Variants in CNTNAP5 observed in about 807,000 individuals in gnomAD.
The protein encoded by CNTNAP5 is contactin associated protein family member 5, also known as contactin-associated protein-like 5.
CNTNAP5 carries 72 observed loss-of-function variants against 150.2 expected under a neutral mutation model. The ratio of observed to expected loss-of-function variants is 0.48; its 90% CI spans 0.40 to 0.58. CNTNAP5 has a LOEUF of 0.58. CNTNAP5 is among the 20% of genes least tolerant of loss of function. CNTNAP5 has a pLI of 0.00. For synonymous variants in CNTNAP5, 672 were observed against 619.8 expected (o/e 1.08, Z -1.25); for missense variants, 1,636 against 1,626.2 (o/e 1.01, Z -0.10).
rs559651712 is a variant in CNTNAP5, at chr2:124,049,132, G to C, written c.82+23400G>C. Among the ~76,000 whole-genome samples, 496 of 152,220 alleles carry C rather than the reference G, an allele frequency of 3.3e-3. 3 individuals carry two copies. The highest frequency in any genetic ancestry group is 6.8e-3 in the Middle Eastern group (2 of 294). On this transcript the variant is annotated intron_variant, in intron 1 of 23. Coordinates refer to ENST00000682447, the MANE Select transcript of CNTNAP5 (RefSeq NM_001367498.1). The stretch of plus-strand genomic sequence containing the variant: ...AGAAACGCTGATTTCAGGGCTTTTT[G>C]CTTTATCACTGTTAACGTCCCTATG...
At chr2:124,123,071 C>CT (rs1429625523) in intron 1 of CNTNAP5, among the ~76,000 whole-genome samples, 2 of 151,970 alleles carry the variant, frequency 1.3e-5, no homozygotes, top group South Asian at 4.2e-4. Flanking sequence ...GCTTGTCGGA[C>CT]ACTGGGTGCA....
chr2:124,532,693 C>T (rs1695138175), intron 10 of CNTNAP5, among the ~76,000 whole-genome samples: 1 of 152,178 alleles, frequency 6.6e-6, no homozygotes, highest in South Asian at 2.1e-4. Context: ...CCACCCCGCC[C>T]ACAGTCTGAG....
At chr2:124,199,438 G>A (rs1180251093) in intron 1 of CNTNAP5, among the ~76,000 whole-genome samples, 4 of 96,858 alleles carry the variant, frequency 4.1e-5, no homozygotes, top group Non-Finnish European at 6.0e-5. Context: ...TTTTTGAGAC[G>A]GAGTTTCACT....
intron 1 of CNTNAP5, among the ~76,000 whole-genome samples, chr2:124,106,251 A>C (rs986342441): frequency 6.6e-6 from 1 of 152,206 alleles, no homozygotes; most frequent in Admixed American, 6.5e-5. Context: ...AGTTCCTGAC[A>C]TACAGCTCCT....
At chr2:124,202,182 A>T (rs1273775738) in intron 1 of CNTNAP5, among the ~76,000 whole-genome samples, 5 of 152,206 alleles carry the variant, frequency 3.3e-5, no homozygotes, top group Non-Finnish European at 7.3e-5. Context: ...TCTAAAATCA[A>T]GGTGAAAGAA....
Position 124,599,709 on chromosome 2 carries a change from C to G in CNTNAP5, c.1757-10092C>G, listed in dbSNP as rs10165603. 5.1e-3 allele frequency among the ~76,000 whole-genome samples: 771 copies of G among 152,062 alleles called. 5 individuals carry two copies. Among genetic ancestry groups the G allele is most frequent in the African/African-American group, 0.018 (736 of 41,484 alleles). On this transcript the variant is annotated intron_variant, in intron 11 of 23. Transcript: ENST00000682447. ...ACTCTCACAATATTACAATCTTACT[C>G]TATTATCTCAGGGAGTTTTTTTGTT... is the stretch of plus-strand genomic sequence containing the variant.
chr2:124,081,650 GGGATGT>G (rs1468212228), intron 1 of CNTNAP5, among the ~76,000 whole-genome samples: 2 of 152,144 alleles, frequency 1.3e-5, no homozygotes, highest in African/African-American at 4.8e-5. Context: ...TCTTTGATAG[GGGATGT>G]GGTAGCAAGT....
At chr2:124,615,463 C>A (rs1387266923) in intron 12 of CNTNAP5, among the ~76,000 whole-genome samples, 8 of 152,174 alleles carry the variant, frequency 5.3e-5, no homozygotes, top group Non-Finnish European at 1.2e-4. Flanking sequence ...ACTCCTCATC[C>A]GTTAAAATTT....
intron 3 of CNTNAP5, among the ~76,000 whole-genome samples, chr2:124,279,540 A>G (rs1687963966): frequency 6.6e-6 from 1 of 151,820 alleles, no homozygotes. Flanking sequence ...CAATATCCAT[A>G]TGGTAGGGAA....
chr2:124,527,258 T>G, intron 9 of CNTNAP5, 27 bp from the exon 10 acceptor site: 1 of 1,601,096 alleles, frequency 6.2e-7, no homozygotes, highest in Non-Finnish European at 8.5e-7. Flanking sequence ...TCAGCATTCT[T>G]CTTCATCTTT....
Position 124,403,255 on chromosome 2 carries a change from C to T in CNTNAP5, c.382-14188C>T, listed in dbSNP as rs114070734. On this transcript the variant is annotated intron_variant, in intron 3 of 23. Coordinates refer to ENST00000682447, the MANE Select transcript of CNTNAP5 (RefSeq NM_001367498.1). ...ACACTGTCATACAAAGATATTTTTA[C>T]AAGTATTTTCTATTGGAACCCGCCT... 2.7e-3 allele frequency among the ~76,000 whole-genome samples: 412 copies of T among 152,248 alleles called. 3 individuals are homozygous for T. The highest frequency in any genetic ancestry group is 9.5e-3 in the African/African-American group (395 of 41,542).
At chr2:124,154,105 A>G (rs371654908) in intron 1 of CNTNAP5, among the ~76,000 whole-genome samples, 1 of 152,064 alleles carries the variant, frequency 6.6e-6, no homozygotes, top group East Asian at 1.9e-4. Context: ...TTTAACCTCC[A>G]ATGTCCTCTT....
chr2:124,258,722 C>T (rs149410039), intron 3 of CNTNAP5, among the ~76,000 whole-genome samples: 1 of 152,286 alleles, frequency 6.6e-6, no homozygotes, highest in African/African-American at 2.4e-5. Flanking sequence ...GGACAAAAAA[C>T]ATTTCAGCAA....
chr2:124,357,473 T>C (rs1690046808), intron 3 of CNTNAP5, among the ~76,000 whole-genome samples: 2 of 152,190 alleles, frequency 1.3e-5, no homozygotes, highest in South Asian at 4.1e-4. Context: ...CATCTTGAAT[T>C]GATTTTTGTA....
intron 7 of CNTNAP5, among the ~76,000 whole-genome samples, chr2:124,484,533 A>G (rs953879994): frequency 2.0e-5 from 3 of 152,204 alleles, no homozygotes; most frequent in Non-Finnish European, 4.4e-5. Flanking sequence ...TGCCTACTTT[A>G]CATATATAAA....
At chr2:124,046,768 A>T (rs1157366497) in intron 1 of CNTNAP5, among the ~76,000 whole-genome samples, 1 of 152,186 alleles carries the variant, frequency 6.6e-6, no homozygotes, top group Non-Finnish European at 1.5e-5. Flanking sequence ...AGGGATTAAA[A>T]AATGGTTTCA....
At chr2:124,382,596 A>G (rs767248127) in intron 3 of CNTNAP5, among the ~76,000 whole-genome samples, 27 of 152,134 alleles carry the variant, frequency 1.8e-4, no homozygotes, top group Admixed American at 6.6e-4. Flanking sequence ...CATAACATCT[A>G]TGAGATGTTG....
intron 3 of CNTNAP5, among the ~76,000 whole-genome samples, chr2:124,415,365 A>G (rs1691890720): frequency 6.6e-6 from 1 of 152,232 alleles, no homozygotes; most frequent in African/African-American, 2.4e-5. Flanking sequence ...GATACATGAT[A>G]GTAATTACAT....
intron 3 of CNTNAP5, among the ~76,000 whole-genome samples, chr2:124,260,640 G>T (rs1167674165): frequency 2.6e-5 from 4 of 152,182 alleles, no homozygotes; most frequent in African/African-American, 7.2e-5. Context: ...CTAATATCCA[G>T]CATCTACAAT....
Sources: gnomAD v4.1 joint callset for allele counts (sites outside exome capture counted in the v4.1 genomes callset) on GRCh38, gnomAD v4.1.1 for gene constraint, MANE v1.5 for transcripts, NCBI Gene and HGNC (gene_info 2026-07-23, HGNC 2026-07-21) for gene names.